The following HECW1 variants were observed in gnomAD, a reference collection of about 807,000 sequenced individuals.
The protein encoded by HECW1 is HECT, C2 and WW domain containing E3 ubiquitin protein ligase 1, also known as E3 ubiquitin-protein ligase HECW1.
In HECW1, 61 loss-of-function variants were observed where a neutral mutation model predicts 182.3. The observed-to-expected ratio is 0.33, with a 90% CI of 0.27 to 0.41. The LOEUF is 0.41. Among genes scored for constraint, HECW1 ranks in the 10% least tolerant of loss-of-function variants. The pLI is 1.00. For synonymous variants in HECW1, 859 were observed against 832.6 expected (o/e 1.03, Z -0.55); for missense variants, 1,739 against 2,108.9 (o/e 0.82, Z 3.44).
At chr7:43,539,005 T>G (rs2081274638) in intron 24 of HECW1, among the ~76,000 whole-genome samples, 1 of 152,232 alleles carries the variant, frequency 6.6e-6, no homozygotes, top group Non-Finnish European at 1.5e-5. Flanking sequence ...GATGGATATT[T>G]TCAAGTAACT....
intron 17 of HECW1, among the ~76,000 whole-genome samples, chr7:43,490,943 A>T (rs1162350821): frequency 2.0e-5 from 3 of 152,052 alleles, no homozygotes; most frequent in Non-Finnish European, 4.4e-5. Flanking sequence ...TTTTTAGTGG[A>T]AATGGGGTTT....
rs192865848 is a variant in HECW1, at chr7:43,330,815, G to A, written c.460+10073G>A. ...CTGTGTCCCAGGAAAAAGCTCAGGC[G>A]TGAACATGCTGGAGTGGTTGGTGAC... On this transcript the variant is annotated intron_variant, in intron 5 of 29. Transcript: ENST00000395891. Among the ~76,000 whole-genome samples, 10 of 152,262 alleles carry A rather than the reference G, an allele frequency of 6.6e-5. No individual in the cohort carries two copies. The Middle Eastern group carries it at 0.01, about 155-fold the overall frequency.
At chr7:43,268,261 TAGA>T (rs1263834145) in intron 3 of HECW1, among the ~76,000 whole-genome samples, 1 of 152,214 alleles carries the variant, frequency 6.6e-6, no homozygotes, top group Admixed American at 6.5e-5. Flanking sequence ...AGATAAATCC[TAGA>T]AGGAGACTCG....
chr7:43,415,113 C>A (rs1277061369), intron 8 of HECW1, among the ~76,000 whole-genome samples: 3 of 151,240 alleles, frequency 2.0e-5, no homozygotes, highest in Non-Finnish European at 4.4e-5. Context: ...GATGCAGTTT[C>A]TTCCTAGTCT....
intron 13 of HECW1, among the ~76,000 whole-genome samples, chr7:43,461,341 G>A (rs528379699): frequency 5.3e-5 from 8 of 152,212 alleles, no homozygotes; most frequent in African/African-American, 7.2e-5. Context: ...GTTCCATCAC[G>A]AACTGTTACA....
intron 3 of HECW1, among the ~76,000 whole-genome samples, chr7:43,273,090 G>C (rs1040443497): frequency 1.2e-4 from 18 of 152,130 alleles, no homozygotes; most frequent in African/African-American, 4.1e-4. Context: ...AATACTACAT[G>C]TTCTTACCTA....
rs544582071 is a variant in HECW1, at chr7:43,421,539, G to C, written c.801+13808G>C. Among the ~76,000 whole-genome samples the C allele has an allele frequency of 2.0e-5, 3 of 152,296 alleles. No homozygotes were observed. In the East Asian group the frequency reaches 5.8e-4, roughly 29 times the overall value. On this transcript the variant is annotated intron_variant, in intron 8 of 29. Transcript: ENST00000395891. ...GATGTTGAGCTATGTCTAGGTGACAGCTAATATCTAGACTATAAATACTAC... is the reference window on the plus strand; with the variant it reads ...GATGTTGAGCTATGTCTAGGTGACACCTAATATCTAGACTATAAATACTAC...
chr7:43,170,755 A>G (rs1452734802), intron 2 of HECW1, among the ~76,000 whole-genome samples: 1 of 152,228 alleles, frequency 6.6e-6, no homozygotes, highest in Non-Finnish European at 1.5e-5. Flanking sequence ...AGTGGATGCC[A>G]GCTATCCAGT....
intron 4 of HECW1, among the ~76,000 whole-genome samples, chr7:43,316,751 T>C (rs1809315663): frequency 3.4e-5 from 1 of 29,410 alleles, no homozygotes; most frequent in African/African-American, 1.1e-4. Flanking sequence ...ATTCCAGTTC[T>C]CCTCTCCCCT....
At chr7:43,144,496 C>A (rs1371278944) in intron 2 of HECW1, among the ~76,000 whole-genome samples, 4 of 152,208 alleles carry the variant, frequency 2.6e-5, no homozygotes, top group Non-Finnish European at 5.9e-5. Context: ...AGATTGGACT[C>A]TTCTCCCCCA....
intron 3 of HECW1, chr7:43,245,459 C>G (rs1799298773): frequency 6.6e-6 from 1 of 152,236 alleles, no homozygotes; most frequent in Admixed American, 6.5e-5. Flanking sequence ...AGGAAGAATG[C>G]CGCCTCTTTC....
rs143948507 is a variant in HECW1 at position 43,271,942 on chromosome 7, C to T, written c.27+28010C>T. Among the ~76,000 whole-genome samples the T allele has an allele frequency of 1.9e-3, 294 of 152,188 alleles. 2 individuals are homozygous for T. Among genetic ancestry groups the T allele is most frequent in the Admixed American group, 4.1e-3 (62 of 15,284 alleles). The stretch of plus-strand genomic sequence containing the variant: ...CTGGAGGCATCACATTACCTGACTT[C>T]AAACTGTGTTATAAGGCTACAGTAA... On this transcript the variant is annotated intron_variant, in intron 3 of 29. Coordinates refer to ENST00000395891, the MANE Select transcript of HECW1 (RefSeq NM_015052.5).
In HECW1 at chr7:43,456,309, G is replaced by A. The variant is rs753372751; in HGVS notation, c.2513G>A (p.Arg838Gln). The change falls in exon 13 of 30, where the codon CGA becomes CAA. Residue 838 changes from arginine (R) to glutamine (Q), a missense_variant. Around this residue, in one of 5 missense-constraint regions of HECW1, gnomAD observed 971 missense variants for 1,029.1 expected, o/e 0.94. Coordinates refer to ENST00000395891, the MANE Select transcript of HECW1 (RefSeq NM_015052.5). ...DEPLPPNWEARIDSHGRVFYV... is the reference protein window; with the variant it reads ...DEPLPPNWEAQIDSHGRVFYV... ...TATTAAACACTAGACTGGGAAGCTC[G>A]AATTGACAGCCACGGGCGGGTCTTT... is the stretch of plus-strand genomic sequence containing the variant. 6.2e-6 allele frequency: 10 copies of A among 1,611,984 alleles called. No homozygotes were observed. The highest frequency in any genetic ancestry group is 8.5e-6 in the Non-Finnish European group (10 of 1,178,640).
intron 11 of HECW1, among the ~76,000 whole-genome samples, 161 bp from the exon 12 acceptor site, chr7:43,450,667 T>G (rs771739416): frequency 9.9e-5 from 15 of 152,158 alleles, no homozygotes; most frequent in Non-Finnish European, 1.9e-4. Flanking sequence ...ATTTCCCCCC[T>G]CACGAATGAC....
intron 2 of HECW1, among the ~76,000 whole-genome samples, chr7:43,173,859 T>C (rs976726340): frequency 4.6e-5 from 7 of 151,802 alleles, no homozygotes; most frequent in African/African-American, 1.7e-4. Flanking sequence ...TTTTTTTTTT[T>C]TGGAGACAGG....
At chr7:43,466,604 T>C in intron 15 of HECW1, 36 bp downstream of exon 15, 1 of 1,602,608 alleles carries the variant, frequency 6.2e-7, no homozygotes, top group East Asian at 2.2e-5. Flanking sequence ...GCGGCCTGGC[T>C]CGGCAAGACC....
chr7:43,556,792 G>A (rs1255446517), intron 29 of HECW1, among the ~76,000 whole-genome samples: 4 of 152,088 alleles, frequency 2.6e-5, no homozygotes, highest in Non-Finnish European at 4.4e-5. Flanking sequence ...TGGGGTCACA[G>A]ATTGAATGTA....
chr7:43,456,013 A>G (rs1216670753), intron 12 of HECW1, among the ~76,000 whole-genome samples: 1 of 152,192 alleles, frequency 6.6e-6, no homozygotes, highest in Non-Finnish European at 1.5e-5. Context: ...AAAGAAAAAA[A>G]AAAAGAAAGT....
chr7:43,330,174 T>C (rs1811293694), intron 5 of HECW1, among the ~76,000 whole-genome samples: 1 of 152,170 alleles, frequency 6.6e-6, no homozygotes, highest in Non-Finnish European at 1.5e-5. Flanking sequence ...GTTTCCAAAC[T>C]AAAGTACCAA....
Sources: allele counts gnomAD v4.1 joint callset (sites outside exome capture counted in the v4.1 genomes callset), GRCh38; gene constraint gnomAD v4.1.1; regional missense constraint gnomAD v4.1.1; transcripts MANE v1.5; gene names NCBI Gene and HGNC (gene_info 2026-07-23, HGNC 2026-07-21).